Variants in SATB2 observed in about 807,000 individuals in gnomAD.
SATB2 encodes DNA-binding protein SATB2.
In SATB2, 1 loss-of-function variant was observed where a neutral mutation model predicts 73.4. That is an observed-to-expected ratio of 0.01 (90% CI 0.00 to 0.06). The LOEUF is 0.06. Ranked by LOEUF, SATB2 falls within the 10% of genes least tolerant of loss-of-function variation. The probability of loss-of-function intolerance (pLI) is 1.00; values close to 1 mark genes in which losing one functional copy is unlikely to be tolerated. For synonymous variants in SATB2, 397 were observed against 367.0 expected (o/e 1.08, Z -0.93); for missense variants, 459 against 945.8 (o/e 0.49, Z 6.75).
intron 5 of SATB2, among the ~76,000 whole-genome samples, chr2:199,372,727 C>T (rs1308538920): frequency 6.6e-6 from 1 of 152,160 alleles, no homozygotes; most frequent in Non-Finnish European, 1.5e-5. Flanking sequence ...GCTGATGCTG[C>T]AACCAATACT....
In SATB2 at chr2:199,309,856, T is replaced by A. The variant is rs1262036574; in HGVS notation, c.1543-899A>T. Among the ~76,000 whole-genome samples, 4 of 152,140 alleles carry A rather than the reference T, an allele frequency of 2.6e-5. No individual in the cohort carries two copies. In the East Asian group the frequency reaches 7.7e-4, roughly 29 times the overall value. ...TAAAAAAATGTTCTTAAGAGGTGCA[T>A]AAACACGAATGACTTTGTGAAAAAT... On this transcript the variant is annotated intron_variant, in intron 9 of 10. Coordinates refer to ENST00000417098, the MANE Select transcript of SATB2 (RefSeq NM_001172509.2).
chr2:199,321,649 T>C (rs1215642621), intron 9 of SATB2, among the ~76,000 whole-genome samples: 1 of 151,920 alleles, frequency 6.6e-6, no homozygotes, highest in Non-Finnish European at 1.5e-5. Flanking sequence ...AATCATGCAA[T>C]TGATTTCACT....
chr2:199,301,395 C>T (rs1338200396), intron 10 of SATB2, among the ~76,000 whole-genome samples: 1 of 152,150 alleles, frequency 6.6e-6, no homozygotes, highest in East Asian at 1.9e-4. Context: ...CACTAAAAGG[C>T]CCTAACTTTC....
rs139031263 is a variant in SATB2, at chr2:199,311,585, GC to G, written c.1543-2629del. Among the ~76,000 whole-genome samples the G allele has an allele frequency of 7.6e-3, 1,158 of 152,204 alleles. 13 individuals are homozygous for G. The highest frequency in any genetic ancestry group is 0.026 in the African/African-American group (1,088 of 41,526). ...ACTCTACCTTGCTCTTCTCCTAAAG[GC>G]CGTTATTCCCTCCTACGGGCGCTCC... On this transcript the variant is annotated intron_variant, in intron 9 of 10. Coordinates refer to ENST00000417098, the MANE Select transcript of SATB2 (RefSeq NM_001172509.2).
rs1264913555 is a variant in SATB2 at position 199,270,171 on chromosome 2, C to G, written c.*2040G>C. The G allele has an allele frequency of 6.6e-6, 1 of 152,648 alleles. No homozygotes were observed. Among genetic ancestry groups the G allele is most frequent in the Non-Finnish European group, 1.5e-5 (1 of 68,026 alleles). The allele number at this position is 152,648 out of a possible 1,614,324, so 9.5% of individuals were successfully genotyped here. A position where few individuals can be genotyped will look rare whatever the true frequency, so the allele number is the denominator to read the frequency against. ...GGAAGGATGGGGCCAGGGCTAACTG[C>G]AAACAACCATCCTTTTGCAAAGGTA... On this transcript the variant is annotated 3_prime_UTR_variant, in exon 11 of 11. Transcript: ENST00000417098.
At chr2:199,351,245 T>A (rs1222306783) in intron 6 of SATB2, among the ~76,000 whole-genome samples, 1 of 150,988 alleles carries the variant, frequency 6.6e-6, no homozygotes, top group Non-Finnish European at 1.5e-5. Flanking sequence ...CACTGCAGCC[T>A]CTGCCTCTCG....
At chr2:199,311,351 G>A (rs548075526) in intron 9 of SATB2, among the ~76,000 whole-genome samples, 18 of 152,200 alleles carry the variant, frequency 1.2e-4, no homozygotes, top group East Asian at 1.9e-4. Flanking sequence ...AAGGGATGGA[G>A]CCTTCAACAG....
intron 8 of SATB2, among the ~76,000 whole-genome samples, chr2:199,328,257 T>C (rs967071966): frequency 6.6e-6 from 1 of 152,116 alleles, no homozygotes; most frequent in Non-Finnish European, 1.5e-5. Flanking sequence ...AATCATAGAA[T>C]TGGCCATGGA....
intron 3 of SATB2, among the ~76,000 whole-genome samples, chr2:199,388,810 T>C (rs1277070312): frequency 6.6e-6 from 1 of 152,162 alleles, no homozygotes; most frequent in East Asian, 1.9e-4. Flanking sequence ...GGGCTTCTGG[T>C]TCTCGGTATT....
At chr2:199,344,236 T>TGAAC (rs1163297121) in intron 7 of SATB2, among the ~76,000 whole-genome samples, 1 of 152,004 alleles carries the variant, frequency 6.6e-6, no homozygotes, top group East Asian at 1.9e-4. Context: ...GAAGGACAGA[T>TGAAC]GAACGAACAC....
At chr2:199,424,128 A>G (rs1258908723) in intron 3 of SATB2, among the ~76,000 whole-genome samples, 2 of 152,240 alleles carry the variant, frequency 1.3e-5, no homozygotes, top group East Asian at 3.8e-4. Flanking sequence ...GTTTTCTCTC[A>G]TTGACATACA....
At chr2:199,401,135 A>G (rs955187132) in intron 3 of SATB2, among the ~76,000 whole-genome samples, 4 of 152,240 alleles carry the variant, frequency 2.6e-5, no homozygotes, top group Non-Finnish European at 5.9e-5. Flanking sequence ...TACCCAGGCT[A>G]GACATACAGG....
chr2:199,327,533 G>C (rs535426133), intron 8 of SATB2, among the ~76,000 whole-genome samples: 2 of 152,258 alleles, frequency 1.3e-5, no homozygotes, highest in Admixed American at 6.5e-5. Flanking sequence ...AACAGTGAAC[G>C]GACTGGCCTT....
intron 5 of SATB2, among the ~76,000 whole-genome samples, chr2:199,373,126 T>C (rs924419657): frequency 6.6e-6 from 1 of 152,154 alleles, no homozygotes; most frequent in Non-Finnish European, 1.5e-5. Context: ...TGTGAAGAAT[T>C]ACATATTCTG....
At chr2:199,322,454 A>T (rs543082253) in intron 9 of SATB2, among the ~76,000 whole-genome samples, 1 of 152,210 alleles carries the variant, frequency 6.6e-6, no homozygotes, top group Non-Finnish European at 1.5e-5. Flanking sequence ...ACAGTTTAAG[A>T]AGGCTCTATG....
intron 5 of SATB2, among the ~76,000 whole-genome samples, chr2:199,372,617 T>TA: frequency 6.6e-6 from 1 of 152,124 alleles, no homozygotes. Flanking sequence ...GACACTCTGT[T>TA]AGTGGACCAG....
chr2:199,456,293 C>T (rs1315513388), intron 1 of SATB2, among the ~76,000 whole-genome samples, 197 bp from the exon 2 acceptor site: 1 of 152,238 alleles, frequency 6.6e-6, no homozygotes, highest in Non-Finnish European at 1.5e-5. Context: ...CCCAGCGCCT[C>T]GGTTCGGCGA....
intron 5 of SATB2, among the ~76,000 whole-genome samples, chr2:199,378,611 T>G (rs555997136): frequency 2.6e-5 from 4 of 152,274 alleles, no homozygotes; most frequent in Admixed American, 2.6e-4. Flanking sequence ...TTGATTTTTT[T>G]CGAGGCAAAA....
chr2:199,452,770 CT>C (rs943173069), intron 2 of SATB2, among the ~76,000 whole-genome samples: 28 of 149,340 alleles, frequency 1.9e-4, no homozygotes, highest in East Asian at 1.4e-3. Context: ...AGATATTAGC[CT>C]TTTTTTTTTC....
Sources: gnomAD v4.1 joint callset for allele counts (sites outside exome capture counted in the v4.1 genomes callset) on GRCh38, gnomAD v4.1.1 for gene constraint, MANE v1.5 for transcripts, NCBI Gene and HGNC (gene_info 2026-07-23, HGNC 2026-07-21) for gene names.